Variants in TOM1L2 observed in about 807,000 individuals in gnomAD.
TOM1L2 encodes TOM1-like protein 2.
Under a neutral mutation model 67.9 loss-of-function variants are expected in TOM1L2, and 31 were observed. The observed-to-expected ratio is 0.46, with a 90% confidence interval of 0.34 to 0.62. The LOEUF (loss-of-function observed/expected upper bound fraction) is 0.62, where lower values mean the gene tolerates loss of function less well. Ranked by LOEUF, TOM1L2 falls within the 20% of genes least tolerant of loss-of-function variation. TOM1L2 has a pLI of 0.01. For missense variants in TOM1L2, 606 were observed against 663.5 expected (o/e 0.91, Z 0.95); for synonymous variants, 256 against 254.0 (o/e 1.01, Z -0.07).
intron 1 of TOM1L2, among the ~76,000 whole-genome samples, chr17:17,912,440 C>A (rs1434613127): frequency 6.8e-6 from 1 of 146,772 alleles, no homozygotes; most frequent in South Asian, 2.2e-4. Context: ...GGGGCGGTTG[C>A]CAGGCAGAGG....
chr17:17,934,537 T>G (rs549182778), intron 1 of TOM1L2, among the ~76,000 whole-genome samples: 2 of 152,336 alleles, frequency 1.3e-5, no homozygotes, highest in Admixed American at 1.3e-4. Flanking sequence ...GCAAACATCT[T>G]AGTAGTGAGA....
At chr17:17,879,993 T>C (rs2037635289) in intron 6 of TOM1L2, among the ~76,000 whole-genome samples, 1 of 152,146 alleles carries the variant, frequency 6.6e-6, no homozygotes, top group Non-Finnish European at 1.5e-5. Context: ...ACGAAAGCAG[T>C]ACCACGTAGT....
intron 1 of TOM1L2, among the ~76,000 whole-genome samples, chr17:17,962,453 C>T (rs552106308): frequency 2.4e-4 from 37 of 152,058 alleles, no homozygotes; most frequent in African/African-American, 8.7e-4. Flanking sequence ...CCTGGGACTA[C>T]AGGCGCACAC....
rs1200379687 is a variant in TOM1L2, at chr17:17,844,525, TCCCTCTAGCCC to T, written c.*3099_*3109del. 1 of 152,322 alleles carries T rather than the reference TCCCTCTAGCCC, an allele frequency of 6.6e-6. No individual in the cohort carries two copies. The highest frequency in any genetic ancestry group is 2.4e-5 in the African/African-American group (1 of 41,452). 9.4% of individuals were successfully genotyped at this position (152,322 alleles called of 1,614,324 possible). A position where few individuals can be genotyped will look rare whatever the true frequency, so the allele number is the denominator to read the frequency against. On this transcript the variant is annotated 3_prime_UTR_variant, in exon 15 of 15. Coordinates refer to ENST00000379504, the MANE Select transcript of TOM1L2 (RefSeq NM_001082968.2). ...AGGAGGACAGACGGATGGTCACCTT[TCCCTCTAGCCC>T]AGGCCAGCAACAACCCCTTGAGGCT...
chr17:17,969,871 C>T (rs2042002669), intron 1 of TOM1L2, among the ~76,000 whole-genome samples: 1 of 152,126 alleles, frequency 6.6e-6, no homozygotes. Context: ...CTCTCTCTCT[C>T]TCTCTCTCTC....
chr17:17,894,118 G>A (rs1348514266), intron 3 of TOM1L2, among the ~76,000 whole-genome samples: 1 of 152,226 alleles, frequency 6.6e-6, no homozygotes, highest in Non-Finnish European at 1.5e-5. Flanking sequence ...CAAAATGACT[G>A]AGCGGTCCCT....
intron 1 of TOM1L2, among the ~76,000 whole-genome samples, chr17:17,959,898 T>TA (rs1431788579): frequency 6.6e-6 from 1 of 152,232 alleles, no homozygotes; most frequent in Non-Finnish European, 1.5e-5. Context: ...GTTGGTCAGT[T>TA]AGACAATTTA....
chr17:17,899,902 C>T (rs558745305), intron 2 of TOM1L2, among the ~76,000 whole-genome samples: 1 of 152,254 alleles, frequency 6.6e-6, no homozygotes, highest in South Asian at 2.1e-4. Context: ...TGATGCTCTG[C>T]TAATCAGCTT....
chr17:17,862,464 C>G, intron 11 of TOM1L2: 1 of 349,072 alleles, frequency 2.9e-6, no homozygotes, highest in Non-Finnish European at 5.2e-6. Flanking sequence ...AAGAGAAAAG[C>G]TGTCTCTTAC....
intron 1 of TOM1L2, among the ~76,000 whole-genome samples, chr17:17,942,542 G>A (rs921188130): frequency 1.3e-5 from 2 of 152,028 alleles, no homozygotes; most frequent in Non-Finnish European, 2.9e-5. Flanking sequence ...ATTATGGGCC[G>A]ATATGTATGG....
At chr17:17,892,227 A>G (rs2038323690) in intron 4 of TOM1L2, among the ~76,000 whole-genome samples, 1 of 152,152 alleles carries the variant, frequency 6.6e-6, no homozygotes, top group Non-Finnish European at 1.5e-5. Context: ...GAATGGACAG[A>G]GGCTCCTCTC....
chr17:17,945,972 G>A (rs2040932323), intron 1 of TOM1L2, among the ~76,000 whole-genome samples: 1 of 151,986 alleles, frequency 6.6e-6, no homozygotes, highest in Admixed American at 6.5e-5. Context: ...GGGCTCAGGT[G>A]ATCCTCCCAC....
At chr17:17,924,631 G>A (rs2040011786) in intron 1 of TOM1L2, among the ~76,000 whole-genome samples, 1 of 152,118 alleles carries the variant, frequency 6.6e-6, no homozygotes, top group Non-Finnish European at 1.5e-5. Context: ...AGGCATGGTG[G>A]TACATGCCTG....
intron 1 of TOM1L2, among the ~76,000 whole-genome samples, chr17:17,940,242 G>C (rs866153307): frequency 1.3e-4 from 19 of 150,948 alleles, no homozygotes; most frequent in African/African-American, 4.2e-4. Flanking sequence ...TGCTGCATAG[G>C]GTTGTTACTC....
In TOM1L2 at chr17:17,869,435, G is replaced by A. The variant is rs1357291759; in HGVS notation, c.816C>T (p.Ile272=). ...NRTCRAMQQR[I]VELISRVSNE... ...TGGACACGCGGGAGATGAGCTCCACGATGCGCTGCTGCATGGCCCGACAGG... is the reference window on the plus strand; with the variant it reads ...TGGACACGCGGGAGATGAGCTCCACAATGCGCTGCTGCATGGCCCGACAGG... The change falls in exon 8 of 15, where the codon ATC becomes ATT. Residue 272 remains isoleucine (I), a synonymous_variant. Coordinates refer to ENST00000379504, the MANE Select transcript of TOM1L2 (RefSeq NM_001082968.2). The A allele has an allele frequency of 9.3e-6, 15 of 1,613,056 alleles. No individual in the cohort carries two copies. Among genetic ancestry groups the A allele is most frequent in the South Asian group, 2.2e-5 (2 of 90,996 alleles).
chr17:17,929,228 C>T (rs2040225966), intron 1 of TOM1L2, among the ~76,000 whole-genome samples: 1 of 152,210 alleles, frequency 6.6e-6, no homozygotes, highest in South Asian at 2.1e-4. Context: ...CAGAAGTGGG[C>T]AGCAACACAG....
intron 1 of TOM1L2, among the ~76,000 whole-genome samples, chr17:17,968,410 T>C (rs910900956): frequency 6.6e-6 from 1 of 152,238 alleles, no homozygotes; most frequent in African/African-American, 2.4e-5. Flanking sequence ...CTCACTCCTA[T>C]AATCCTAGCA....
chr17:17,857,822 C>T (rs943174364), intron 12 of TOM1L2: 13 of 1,535,604 alleles, frequency 8.5e-6, no homozygotes, highest in African/African-American at 1.4e-5. Context: ...GACTCCCCAC[C>T]TCTACCTCTC....
chr17:17,862,705 G>A, intron 11 of TOM1L2, 26 bp downstream of exon 11: 1 of 1,577,922 alleles, frequency 6.3e-7, no homozygotes, highest in Non-Finnish European at 8.7e-7. Flanking sequence ...TATCTTTAGA[G>A]AGCCACTAAA....
Sources: gnomAD v4.1 joint callset for allele counts (sites outside exome capture counted in the v4.1 genomes callset) on GRCh38, gnomAD v4.1.1 for gene constraint, MANE v1.5 for transcripts, NCBI Gene and HGNC (gene_info 2026-07-23, HGNC 2026-07-21) for gene names.